Variants in NYAP2 observed in about 807,000 individuals in gnomAD.
NYAP2 encodes neuronal tyrosine-phosphorylated phosphoinositide-3-kinase adaptor 2.
In NYAP2, 23 loss-of-function variants were observed where a neutral mutation model predicts 50.4. That is an observed-to-expected ratio of 0.46 (90% CI 0.33 to 0.65). The LOEUF is 0.65. NYAP2 is among the 30% of genes least tolerant of loss of function. The pLI is 0.02. For synonymous variants in NYAP2, 394 were observed against 365.2 expected (o/e 1.08, Z -0.90); for missense variants, 885 against 861.0 (o/e 1.03, Z -0.35).
At chr2:225,635,745 G>A (rs889592806) in intron 6 of NYAP2, among the ~76,000 whole-genome samples, 1 of 152,154 alleles carries the variant, frequency 6.6e-6, no homozygotes, top group Admixed American at 6.6e-5. Flanking sequence ...TTTATAGATG[G>A]AATTTGGAGG....
At chr2:225,680,254 C>A in the NYAP2 span, among the ~76,000 whole-genome samples, 10 of 152,268 alleles carry the variant, frequency 6.6e-5, no homozygotes, top group African/African-American at 2.4e-4. Context: ...ATATCTCTGG[C>A]AGAATGTAAT....
chr2:225,440,574 A>C (rs1689453387), intron 3 of NYAP2, among the ~76,000 whole-genome samples: 1 of 152,174 alleles, frequency 6.6e-6, no homozygotes, highest in African/African-American at 2.4e-5. Flanking sequence ...TGGGTTAGAG[A>C]GGGCAGAGTA....
At chr2:225,619,366 C>G (rs1190685424) in intron 5 of NYAP2, among the ~76,000 whole-genome samples, 1 of 152,202 alleles carries the variant, frequency 6.6e-6, no homozygotes, top group African/African-American at 2.4e-5. Flanking sequence ...CTTGTGCCCC[C>G]ACCCAGGCGG....
intron 3 of NYAP2, among the ~76,000 whole-genome samples, chr2:225,461,069 G>C (rs1356090173): frequency 6.6e-6 from 1 of 151,920 alleles, no homozygotes; most frequent in Admixed American, 6.6e-5. Context: ...GCCATGGTGG[G>C]GATTGTTCAT....
intron 3 of NYAP2, among the ~76,000 whole-genome samples, chr2:225,448,477 C>T (rs1447564269): frequency 6.6e-6 from 1 of 152,278 alleles, no homozygotes; most frequent in Non-Finnish European, 1.5e-5. Flanking sequence ...TGTGCCCATC[C>T]TTATTAATTT....
intron 3 of NYAP2, among the ~76,000 whole-genome samples, chr2:225,483,496 G>A (rs576661563): frequency 9.5e-4 from 144 of 152,238 alleles, no homozygotes; most frequent in Non-Finnish European, 1.8e-3. Context: ...GGTAAACATT[G>A]GGTAAAAGCA....
intron 3 of NYAP2, among the ~76,000 whole-genome samples, chr2:225,413,148 T>C (rs749446474): frequency 5.3e-5 from 8 of 152,244 alleles, no homozygotes; most frequent in Admixed American, 2.6e-4. Flanking sequence ...ATAAATATCT[T>C]TGGAGGGGGC....
At chr2:225,475,095 T>G (rs565960224) in intron 3 of NYAP2, among the ~76,000 whole-genome samples, 23 of 152,316 alleles carry the variant, frequency 1.5e-4, no homozygotes, top group Non-Finnish European at 2.6e-4. Flanking sequence ...TGATAGAAAC[T>G]TTTGAAAGTA....
At chr2:225,682,573 G>A in the NYAP2 span, among the ~76,000 whole-genome samples, 1 of 152,280 alleles carries the variant, frequency 6.6e-6, no homozygotes, top group East Asian at 1.9e-4. Flanking sequence ...ACTGGAGGTG[G>A]AGGAGGAAAG....
At chr2:225,590,310 A>T (rs533789047) in intron 5 of NYAP2, among the ~76,000 whole-genome samples, 2 of 152,314 alleles carry the variant, frequency 1.3e-5, no homozygotes, top group African/African-American at 2.4e-5. Context: ...TGATTCTCCC[A>T]GGATGTGACC....
At chr2:225,403,685 G>C (rs899142173) in intron 2 of NYAP2, among the ~76,000 whole-genome samples, 1 of 151,842 alleles carries the variant, frequency 6.6e-6, no homozygotes, top group Non-Finnish European at 1.5e-5. Context: ...ATGGAGAATA[G>C]CTCCATATCA....
intron 3 of NYAP2, among the ~76,000 whole-genome samples, chr2:225,494,026 C>T (rs1690457450): frequency 6.6e-6 from 1 of 152,196 alleles, no homozygotes; most frequent in Non-Finnish European, 1.5e-5. Flanking sequence ...TTTATCTTGC[C>T]TCCAATGCTA....
chr2:225,476,467 A>G lies in NYAP2; in HGVS notation c.222-36904A>G, dbSNP rs182460794. 5.9e-5 allele frequency among the ~76,000 whole-genome samples: 9 copies of G among 152,218 alleles called. No homozygotes were observed. The East Asian group carries it at 1.7e-3, about 29-fold the overall frequency. ...AATATGCCAGGTTTTTGTTCATTGT[A>G]GGAACATTCTATTTCTAATGCCTTT... On this transcript the variant is annotated intron_variant, in intron 3 of 6. Transcript: ENST00000636099.
In NYAP2 at chr2:225,582,156, G is replaced by A; in HGVS notation, c.739G>A (p.Glu247Lys). The A allele has an allele frequency of 1.2e-6, 2 of 1,613,984 alleles. No individual in the cohort carries two copies. Among genetic ancestry groups the A allele is most frequent in the Non-Finnish European group, 1.7e-6 (2 of 1,179,854 alleles). The stretch of plus-strand genomic sequence containing the variant: ...CGAGGAAGAGGAGCCCGTGTACATC[G>A]AGATGGTGGGGAACATTCTCAGAGA... Residue 247 changes from glutamate to lysine, a missense_variant, in exon 5 of 7, where the codon GAG becomes AAG. Glu to Lys is a moderately conservative substitution (Grantham distance 56). Coordinates refer to ENST00000636099, the Ensembl canonical transcript of NYAP2. This position sits in a 1 kb window ranked among gnomAD's most constrained non-coding sequence, Gnocchi z 7.0.
At chr2:225,504,819 C>T (rs1690674215) in intron 3 of NYAP2, among the ~76,000 whole-genome samples, 1 of 151,912 alleles carries the variant, frequency 6.6e-6, no homozygotes, top group Non-Finnish European at 1.5e-5. Context: ...ACCAGCCTGA[C>T]CAAGGTGGTG....
intron 3 of NYAP2, among the ~76,000 whole-genome samples, chr2:225,454,748 G>A (rs1689709767): frequency 6.6e-6 from 1 of 152,092 alleles, no homozygotes; most frequent in African/African-American, 2.4e-5. Flanking sequence ...GATGATCTGA[G>A]GTGGAACAGT....
chr2:225,505,091 G>A (rs887195303), intron 3 of NYAP2, among the ~76,000 whole-genome samples: 11 of 151,586 alleles, frequency 7.3e-5, no homozygotes, highest in Non-Finnish European at 1.6e-4. Flanking sequence ...TTCTCTTCAG[G>A]ACAGTTTTGT....
At chr2:225,510,671 C>T (rs1690794464) in intron 3 of NYAP2, among the ~76,000 whole-genome samples, 1 of 152,092 alleles carries the variant, frequency 6.6e-6, no homozygotes, top group Admixed American at 6.6e-5. Context: ...TTGTTTTTGT[C>T]CTATTTCTTC....
At chr2:225,418,849 CA>C (rs1188688674) in intron 3 of NYAP2, among the ~76,000 whole-genome samples, 4 of 152,086 alleles carry the variant, frequency 2.6e-5, no homozygotes, top group Non-Finnish European at 5.9e-5. Context: ...TATACATATA[CA>C]CATCTAAGTT....
Sources: allele counts gnomAD v4.1 joint callset (sites outside exome capture counted in the v4.1 genomes callset), GRCh38; gene constraint gnomAD v4.1.1; non-coding constraint Gnocchi (gnomAD v3.1); transcripts MANE v1.5; gene names NCBI Gene and HGNC (gene_info 2026-07-23, HGNC 2026-07-21).